The following CPNE9 variants were observed in gnomAD, a reference collection of about 807,000 sequenced individuals.
CPNE9 encodes copine-9.
CPNE9 carries 59 observed loss-of-function variants against 83.0 expected under a neutral mutation model. The ratio of observed to expected loss-of-function variants is 0.71; its 90% CI spans 0.58 to 0.88. The LOEUF is 0.88. Ranked by LOEUF, CPNE9 falls within the 40% of genes least tolerant of loss-of-function variation. The probability of loss-of-function intolerance (pLI) is 0.00; values close to 1 mark genes in which losing one functional copy is unlikely to be tolerated. For synonymous variants in CPNE9, 256 were observed against 273.4 expected, an observed-to-expected ratio of 0.94 and a Z score of 0.63; for missense variants, 619 against 720.8, an observed-to-expected ratio of 0.86 and a Z score of 1.62.
Position 9,715,463 on chromosome 3 carries a change from C to T in CPNE9, c.769-10C>T. The T allele has an allele frequency of 6.2e-7, 1 of 1,613,690 alleles. No individual in the cohort carries two copies. On this transcript the variant is annotated splice_polypyrimidine_tract_variant and intron_variant, in intron 12 of 20. Transcript: ENST00000383832. ...TGTTTCTCATCATCACTGTTACCTC[C>T]TCCCCTTAGGTTCTTAACCCTCGGA...
At chr3:9,729,148 G>A (rs562311636) in intron 20 of CPNE9, among the ~76,000 whole-genome samples, 4 of 152,236 alleles carry the variant, frequency 2.6e-5, no homozygotes, top group Admixed American at 2.0e-4. Flanking sequence ...AGAGTGGGAC[G>A]TGTCCAGAAG....
intron 16 of CPNE9, 53 bp downstream of exon 16, chr3:9,718,263 A>G (rs1372809512): frequency 6.0e-5 from 92 of 1,525,688 alleles, no homozygotes; most frequent in African/African-American, 9.6e-5. Flanking sequence ...GGTTCACCCA[A>G]GTTGATGATT....
chr3:9,714,804 G>A (rs2076664846), intron 10 of CPNE9, 110 bp from the exon 11 acceptor site: 1 of 931,464 alleles, frequency 1.1e-6, no homozygotes, highest in South Asian at 1.6e-5. Context: ...ACAACTTAAT[G>A]GGAAGACAGA....
At chr3:9,707,770 ACTGT>A (rs1312516679) in intron 7 of CPNE9, among the ~76,000 whole-genome samples, 1 of 143,474 alleles carries the variant, frequency 7.0e-6, no homozygotes, top group East Asian at 2.1e-4. Context: ...ACAGAGTGAG[ACTGT>A]CTGTGGACAA....
rs1048157802 is a variant in CPNE9 at position 9,703,897 on chromosome 3, C to G, written c.-100C>G. The stretch of plus-strand genomic sequence containing the variant: ...GAGCGAGTGCAGCCGCCGCCGCCGC[C>G]GACACCGCGGCACATGGGCCGGCCC... On this transcript the variant is annotated 5_prime_UTR_variant, in exon 1 of 21. Transcript: ENST00000383832. 2.9e-5 allele frequency: 29 copies of G among 1,003,934 alleles called. No individual in the cohort carries two copies. Among genetic ancestry groups the G allele is most frequent in the Admixed American group, 7.4e-5 (2 of 27,192 alleles). The allele number at this position is 1,003,934 out of a possible 1,614,324, so 62.2% of individuals were successfully genotyped here. A position where few individuals can be genotyped will look rare whatever the true frequency, so the allele number is the denominator to read the frequency against.
Position 9,704,308 on chromosome 3 carries a change from T to C in CPNE9, c.68+244T>C, listed in dbSNP as rs1477262896. On this transcript the variant is annotated intron_variant, in intron 1 of 20. Coordinates refer to ENST00000383832, the MANE Select transcript of CPNE9 (RefSeq NM_153635.3). The surrounding 1 kb of genome is among the most constrained non-coding windows in gnomAD (Gnocchi z 7.1). ...TGGGTCGCAGATATCCGGTAGGAGC[T>C]CGGCCCCAGGAGGACAAAGTTCTGG... Among the ~76,000 whole-genome samples, 2 of 152,164 alleles carry C rather than the reference T, an allele frequency of 1.3e-5. No homozygotes were observed. The highest frequency in any genetic ancestry group is 1.3e-4 in the Admixed American group (2 of 15,282).
At position 9,718,148 on chromosome 3, in the gene CPNE9, C is replaced by G; in HGVS notation, c.1051C>G (p.Pro351Ala). Residue 351 changes from proline to alanine, a missense_variant, in exon 16 of 21, where the codon CCA becomes GCA. Physicochemically the swap from Pro to Ala is conservative, Grantham distance 27 (BLOSUM62 -1). Coordinates refer to ENST00000383832, the MANE Select transcript of CPNE9 (RefSeq NM_153635.3). ...GGACTATGACAGTGATAAGCTCTTC[C>G]CAGCTTATGGCTTTGGGGCCAAGCT... is the stretch of plus-strand genomic sequence containing the variant. Reference protein sequence around the residue: ...IQDYDSDKLFPAYGFGAKLPP... With the variant: ...IQDYDSDKLFAAYGFGAKLPP... 1 of 1,614,102 alleles carries G rather than the reference C, an allele frequency of 6.2e-7. No individual in the cohort carries two copies. Among genetic ancestry groups the G allele is most frequent in the Non-Finnish European group, 8.5e-7 (1 of 1,179,958 alleles).
intron 13 of CPNE9, 78 bp from the exon 14 acceptor site, chr3:9,715,896 G>A: frequency 8.1e-7 from 1 of 1,234,006 alleles, no homozygotes; most frequent in Non-Finnish European, 1.2e-6. Context: ...CTCTTTCCAA[G>A]CCCCTATGGG....
rs544972233 is a variant in CPNE9 at position 9,729,882 on chromosome 3, C to T, written c.*190C>T. 1.7e-4 allele frequency: 120 copies of T among 715,120 alleles called. No individual in the cohort carries two copies. In the African/African-American group the frequency reaches 1.8e-3, roughly 11 times the overall value. The allele number at this position is 715,120 out of a possible 1,614,324, so 44.3% of individuals were successfully genotyped here. A position where few individuals can be genotyped will look rare whatever the true frequency, so the allele number is the denominator to read the frequency against. On this transcript the variant is annotated 3_prime_UTR_variant, in exon 21 of 21. Coordinates refer to ENST00000383832, the MANE Select transcript of CPNE9 (RefSeq NM_153635.3). ...CTATCACCACCTCTCTGCCTTCATGCCAATAATAAAGCTGATCTTTATTCC... is the reference window on the plus strand; with the variant it reads ...CTATCACCACCTCTCTGCCTTCATGTCAATAATAAAGCTGATCTTTATTCC...
chr3:9,728,743 T>C (rs2076804931), intron 20 of CPNE9, among the ~76,000 whole-genome samples: 2 of 152,066 alleles, frequency 1.3e-5, no homozygotes, highest in Non-Finnish European at 2.9e-5. Flanking sequence ...TTCTCCCTTA[T>C]CAGCCCCTCT....
intron 6 of CPNE9, 111 bp from the exon 7 acceptor site, chr3:9,705,876 C>T (rs2076559043): frequency 7.3e-7 from 1 of 1,377,740 alleles, no homozygotes; most frequent in African/African-American, 1.4e-5. Flanking sequence ...GGCTCTTGCA[C>T]CACTCATTCG....
intron 18 of CPNE9, 54 bp from the exon 19 acceptor site, chr3:9,726,611 C>G: frequency 7.2e-7 from 1 of 1,394,224 alleles, no homozygotes; most frequent in Non-Finnish European, 1.0e-6. Context: ...TCCCAACAGT[C>G]ACCTCCCTAG....
intron 7 of CPNE9, among the ~76,000 whole-genome samples, chr3:9,708,850 G>A (rs1204414119): frequency 6.6e-6 from 1 of 151,714 alleles, no homozygotes; most frequent in Non-Finnish European, 1.5e-5. Flanking sequence ...TAGCCAGGTT[G>A]GTCTCGATCT....
At position 9,704,031 on chromosome 3, in the gene CPNE9, C is replaced by T; in HGVS notation, c.35C>T (p.Pro12Leu). ...SLGGASERSV[P>L]ATKIEITVSC... ...GGCGGAGCCTCCGAGCGCAGCGTCCCGGCCACCAAGATTGAAATTACCGTG... is the reference window on the plus strand; with the variant it reads ...GGCGGAGCCTCCGAGCGCAGCGTCCTGGCCACCAAGATTGAAATTACCGTG... Residue 12 changes from proline to leucine, a missense_variant, in exon 1 of 21, where the codon CCG (proline) becomes CTG (leucine). Pro to Leu is a moderately conservative substitution (Grantham distance 98, BLOSUM62 -3). This residue lies in a region of CPNE9 where 130 missense variants were observed against 117.5 expected (regional missense o/e 1.11). Coordinates refer to ENST00000383832, the MANE Select transcript of CPNE9 (RefSeq NM_153635.3). This position sits in a 1 kb window ranked among gnomAD's most constrained non-coding sequence, Gnocchi z 7.1. 1 of 1,608,654 alleles carries T rather than the reference C, an allele frequency of 6.2e-7. No individual in the cohort carries two copies.
At chr3:9,708,148 C>T (rs963630527) in intron 7 of CPNE9, among the ~76,000 whole-genome samples, 2 of 152,188 alleles carry the variant, frequency 1.3e-5, no homozygotes, top group Non-Finnish European at 1.5e-5. Context: ...CAGGGGGCCT[C>T]ATTGTGTTTT....
chr3:9,728,431 C>T (rs1255464471), intron 20 of CPNE9, among the ~76,000 whole-genome samples: 1 of 152,114 alleles, frequency 6.6e-6, no homozygotes, highest in African/African-American at 2.4e-5. Flanking sequence ...CGAAACCAGC[C>T]TGACCAACAT....
chr3:9,723,888 A>G (rs1226202508), intron 17 of CPNE9, among the ~76,000 whole-genome samples: 1 of 152,074 alleles, frequency 6.6e-6, no homozygotes, highest in African/African-American at 2.4e-5. Flanking sequence ...GCCTTTCCTC[A>G]CATTTTGAGA....
intron 20 of CPNE9, among the ~76,000 whole-genome samples, chr3:9,728,631 AAAAAT>A (rs1393950907): frequency 6.6e-6 from 1 of 152,208 alleles, no homozygotes; most frequent in Non-Finnish European, 1.5e-5. Context: ...CTCAAAAGAA[AAAAAT>A]AAAATAAATA....
Position 9,726,514 on chromosome 3 carries a change from T to C in CPNE9, c.1345-151T>C, listed in dbSNP as rs574423902. On this transcript the variant is annotated intron_variant, in intron 18 of 20. Coordinates refer to ENST00000383832, the MANE Select transcript of CPNE9 (RefSeq NM_153635.3). ...AGGCTGCTTGATATAGAAACATCCTTGAAAAAGTAGTCTGGGGCAGAGAAA... is the reference window on the plus strand; with the variant it reads ...AGGCTGCTTGATATAGAAACATCCTCGAAAAAGTAGTCTGGGGCAGAGAAA... 219 of 639,008 alleles carry C rather than the reference T, an allele frequency of 3.4e-4. 6 individuals are homozygous for C. Among genetic ancestry groups the C allele is most frequent in the South Asian group, 3.0e-3 (145 of 47,798 alleles). 39.6% of individuals were successfully genotyped at this position (639,008 alleles called of 1,614,324 possible).
Sources: gnomAD v4.1 joint callset for allele counts (sites outside exome capture counted in the v4.1 genomes callset) on GRCh38, gnomAD v4.1.1 for gene constraint, gnomAD v4.1.1 regional missense constraint, Gnocchi (gnomAD v3.1) non-coding constraint, MANE v1.5 for transcripts, NCBI Gene and HGNC (gene_info 2026-07-23, HGNC 2026-07-21) for gene names.